The following OSBPL3 variants were observed in gnomAD, a reference collection of about 807,000 sequenced individuals.
OSBPL3 encodes the protein oxysterol binding protein like 3, also known as oxysterol-binding protein-related protein 3.
In OSBPL3, 65 loss-of-function variants were observed where a neutral mutation model predicts 120.1. The ratio of observed to expected loss-of-function variants is 0.54; its 90% CI spans 0.44 to 0.67. OSBPL3 has a LOEUF of 0.67. OSBPL3 is among the 30% of genes least tolerant of loss of function. The pLI is 0.00. For missense variants in OSBPL3, 1,004 were observed against 1,082.1 expected (o/e 0.93, Z 1.01); for synonymous variants, 416 against 402.6 (o/e 1.03, Z -0.40).
chr7:24,916,781 G>T lies in OSBPL3; in HGVS notation c.-149-24160C>A, dbSNP rs1054918046. Among the ~76,000 whole-genome samples the T allele has an allele frequency of 6.6e-6, 1 of 152,104 alleles. No homozygotes were observed. Among genetic ancestry groups the T allele is most frequent in the Admixed American group, 6.5e-5 (1 of 15,282 alleles). On this transcript the variant is annotated intron_variant, in intron 1 of 22. Coordinates refer to ENST00000313367, the MANE Select transcript of OSBPL3 (RefSeq NM_015550.4). The surrounding 1 kb of genome is among the most constrained non-coding windows in gnomAD (Gnocchi z 4.9). Reference sequence around the variant, plus strand: ...GATAAGAAAAAAACGTGGTGCTTGGGTATTTTCACTAGAGATGTAAATGGA... The same window carrying T: ...GATAAGAAAAAAACGTGGTGCTTGGTTATTTTCACTAGAGATGTAAATGGA...
At chr7:24,958,036 T>C (rs1815281714) in intron 1 of OSBPL3, among the ~76,000 whole-genome samples, 1 of 152,190 alleles carries the variant, frequency 6.6e-6, no homozygotes, top group African/African-American at 2.4e-5. Flanking sequence ...TCCAGTCTTT[T>C]ACTGTCATAA....
intron 1 of OSBPL3, among the ~76,000 whole-genome samples, chr7:24,920,935 CACTT>C (rs1407087245): frequency 6.6e-6 from 1 of 152,164 alleles, no homozygotes; most frequent in African/African-American, 2.4e-5. Flanking sequence ...TCCTAGAACT[CACTT>C]GAGAGGTTGT....
At chr7:24,980,384 G>A (rs1818188536), upstream of OSBPL3, among the ~76,000 whole-genome samples, 1 of 151,988 alleles carries the variant, frequency 6.6e-6, no homozygotes, top group South Asian at 2.1e-4. Context: ...CGCGGCGGGG[G>A]AACTAGGGAC....
rs755668591 is a variant in OSBPL3, at chr7:24,891,568, G to A, written c.96+809C>T. On this transcript the variant is annotated intron_variant, in intron 2 of 22. Transcript: ENST00000313367. This position sits in a 1 kb window ranked among gnomAD's most constrained non-coding sequence, Gnocchi z 4.1. ...GCTGAAAAGGCTCAGAGACCACTTT[G>A]GTCATAAATTCAGCTTTCTGACAGC... is the stretch of plus-strand genomic sequence containing the variant. Among the ~76,000 whole-genome samples the A allele has an allele frequency of 1.1e-4, 16 of 152,144 alleles. No homozygotes were observed. Among genetic ancestry groups the A allele is most frequent in the Non-Finnish European group, 1.5e-4 (10 of 68,016 alleles).
chr7:24,801,418 C>A (rs776382840), intron 22 of OSBPL3, among the ~76,000 whole-genome samples: 1 of 152,170 alleles, frequency 6.6e-6, no homozygotes, highest in Non-Finnish European at 1.5e-5. Flanking sequence ...CCTGATTCTT[C>A]TCCTCAGAGG....
At position 24,916,924 on chromosome 7, in the gene OSBPL3, C is replaced by G. The variant is rs913880455; in HGVS notation, c.-149-24303G>C. On this transcript the variant is annotated intron_variant, in intron 1 of 22. Coordinates refer to ENST00000313367, the MANE Select transcript of OSBPL3 (RefSeq NM_015550.4). This position sits in a 1 kb window ranked among gnomAD's most constrained non-coding sequence, Gnocchi z 4.9. ...TAAGACGTCTTCCATTTCCACCCCC[C>G]CCAACCTTTTTAGAAAATTAAATAA... 4.6e-5 allele frequency among the ~76,000 whole-genome samples: 7 copies of G among 151,612 alleles called. No individual in the cohort carries two copies. Among genetic ancestry groups the G allele is most frequent in the Non-Finnish European group, 1.0e-4 (7 of 67,910 alleles).
At chr7:24,960,659 A>C (rs1235695538) in intron 1 of OSBPL3, among the ~76,000 whole-genome samples, 1 of 152,218 alleles carries the variant, frequency 6.6e-6, no homozygotes, top group African/African-American at 2.4e-5. Context: ...AAGGAAAGAA[A>C]AATAAAAAGA....
At chr7:24,870,501 G>A (rs1396288934) in intron 5 of OSBPL3, among the ~76,000 whole-genome samples, 2 of 152,206 alleles carry the variant, frequency 1.3e-5, no homozygotes, top group East Asian at 1.9e-4. Context: ...GTCACTGGGG[G>A]CAGGTTCGTA....
chr7:24,979,939 G>A lies in OSBPL3; in HGVS notation c.-203C>T, dbSNP rs960613833. 1.6e-5 allele frequency: 16 copies of A among 977,412 alleles called. No individual in the cohort carries two copies. Among genetic ancestry groups the A allele is most frequent in the African/African-American group, 1.6e-4 (9 of 56,056 alleles). The allele number at this position is 977,412 out of a possible 1,614,324, so 60.5% of individuals were successfully genotyped here. A position where few individuals can be genotyped will look rare whatever the true frequency, so the allele number is the denominator to read the frequency against. Reference sequence around the variant, plus strand: ...CTAGTTCCCCGGGGCCGGGCTCCGGGGTTAGCGCACAGAACCGGGAGAAGG... The same window carrying A: ...CTAGTTCCCCGGGGCCGGGCTCCGGAGTTAGCGCACAGAACCGGGAGAAGG... On this transcript the variant is annotated 5_prime_UTR_variant, in exon 1 of 23. Transcript: ENST00000313367.
chr7:24,893,545 C>T lies in OSBPL3; in HGVS notation c.-149-924G>A, dbSNP rs368821124. Among the ~76,000 whole-genome samples, 5 of 152,270 alleles carry T rather than the reference C, an allele frequency of 3.3e-5. No individual in the cohort carries two copies. In the East Asian group the frequency reaches 7.7e-4, roughly 23 times the overall value. On this transcript the variant is annotated intron_variant, in intron 1 of 22. Transcript: ENST00000313367. ...TCTGGAACTAGGCTGGGCTCAGTGG[C>T]TCATGCCTGTAATCCTAACGCTTTG...
In OSBPL3 at chr7:24,953,473, G is replaced by A. The variant is rs1230718145; in HGVS notation, c.-150+26413C>T. ...AAAAGTATTACGTATCTGCTGAATT[G>A]TAATCAGACTTGAATAATCATCTTA... is the stretch of plus-strand genomic sequence containing the variant. On this transcript the variant is annotated intron_variant, in intron 1 of 22. Transcript: ENST00000313367. This position sits in a 1 kb window ranked among gnomAD's most constrained non-coding sequence, Gnocchi z 4.3. 6.6e-6 allele frequency among the ~76,000 whole-genome samples: 1 copy of A among 152,128 alleles called. No individual in the cohort carries two copies. Among genetic ancestry groups the A allele is most frequent in the Admixed American group, 6.5e-5 (1 of 15,284 alleles).
rs542138998 is a variant in OSBPL3 at position 24,940,446 on chromosome 7, G to A, written c.-150+39440C>T. On this transcript the variant is annotated intron_variant, in intron 1 of 22. Transcript: ENST00000313367. The surrounding 1 kb of genome is among the most constrained non-coding windows in gnomAD (Gnocchi z 4.4). ...CAGGGGAGAAGTAAAGAGTGTGGAA[G>A]AGTAAAGACCAGACAGGCTGAACAG... is the stretch of plus-strand genomic sequence containing the variant. Among the ~76,000 whole-genome samples the A allele has an allele frequency of 8.6e-4, 131 of 152,270 alleles. 1 individual carries two copies. The highest frequency in any genetic ancestry group is 3.1e-3 in the African/African-American group (130 of 41,522).
At position 24,940,781 on chromosome 7, in the gene OSBPL3, C is replaced by T. The variant is rs931446050; in HGVS notation, c.-150+39105G>A. 2.0e-5 allele frequency among the ~76,000 whole-genome samples: 3 copies of T among 151,900 alleles called. No individual in the cohort carries two copies. Among genetic ancestry groups the T allele is most frequent in the Non-Finnish European group, 4.4e-5 (3 of 67,978 alleles). Reference sequence around the variant, plus strand: ...CAGCTACAAACCAAAGCTCACACTTCCCACATCGCTCTTCTTAACATTTCT... The same window carrying T: ...CAGCTACAAACCAAAGCTCACACTTTCCACATCGCTCTTCTTAACATTTCT... On this transcript the variant is annotated intron_variant, in intron 1 of 22. Transcript: ENST00000313367. The surrounding 1 kb of genome is among the most constrained non-coding windows in gnomAD (Gnocchi z 4.4).
chr7:24,886,189 A>G (rs918502741), intron 2 of OSBPL3, among the ~76,000 whole-genome samples: 1 of 152,216 alleles, frequency 6.6e-6, no homozygotes, highest in African/African-American at 2.4e-5. Flanking sequence ...TTAGTTCTCA[A>G]AAGTAAGCAA....
At chr7:24,925,542 C>T (rs1032745809) in intron 1 of OSBPL3, among the ~76,000 whole-genome samples, 1 of 152,214 alleles carries the variant, frequency 6.6e-6, no homozygotes, top group Non-Finnish European at 1.5e-5. Context: ...ACTAAAATGT[C>T]TCAAAGGAAT....
chr7:24,905,276 A>G (rs1458208906), intron 1 of OSBPL3, among the ~76,000 whole-genome samples: 1 of 152,034 alleles, frequency 6.6e-6, no homozygotes, highest in Non-Finnish European at 1.5e-5. Context: ...CACAGAGAAG[A>G]CAAACTTGAA....
chr7:24,800,087 C>G lies in OSBPL3; in HGVS notation c.*96G>C. On this transcript the variant is annotated 3_prime_UTR_variant, in exon 23 of 23. Transcript: ENST00000313367. ...GCTAAGCTAAGCACAAGTGATCATC[C>G]TAGAGTATCTTTTAAATATATAAAC... 1.5e-6 allele frequency: 1 copy of G among 686,768 alleles called. No homozygotes were observed. The highest frequency in any genetic ancestry group is 2.6e-6 in the Non-Finnish European group (1 of 379,302). 42.5% of individuals were successfully genotyped at this position (686,768 alleles called of 1,614,324 possible). A position where few individuals can be genotyped will look rare whatever the true frequency, so the allele number is the denominator to read the frequency against.
At position 24,894,541 on chromosome 7, in the gene OSBPL3, A is replaced by G. The variant is rs1223890261; in HGVS notation, c.-149-1920T>C. ...AATCAAAAACCTGGTGGGAGCCCCA[A>G]ATGATGAAATGTGTGTCTGTGCTTG... On this transcript the variant is annotated intron_variant, in intron 1 of 22. Transcript: ENST00000313367. This position sits in a 1 kb window ranked among gnomAD's most constrained non-coding sequence, Gnocchi z 4.1. Among the ~76,000 whole-genome samples the G allele has an allele frequency of 6.6e-5, 10 of 152,076 alleles. No individual in the cohort carries two copies. The highest frequency in any genetic ancestry group is 3.3e-4 in the Admixed American group (5 of 15,270).
rs142415248 is a variant in OSBPL3, at chr7:24,898,644, G to A, written c.-149-6023C>T. ...AATGCACCTGGTGCATATTTGAAGC[G>A]TGCGGCTTCCATGAGACAAAAAGCT... On this transcript the variant is annotated intron_variant, in intron 1 of 22. Coordinates refer to ENST00000313367, the MANE Select transcript of OSBPL3 (RefSeq NM_015550.4). This position sits in a 1 kb window ranked among gnomAD's most constrained non-coding sequence, Gnocchi z 4.3. Among the ~76,000 whole-genome samples the A allele has an allele frequency of 6.6e-5, 10 of 152,304 alleles. No homozygotes were observed. The highest frequency in any genetic ancestry group is 4.6e-4 in the Admixed American group (7 of 15,302).
Sources: gnomAD v4.1 joint callset for allele counts (sites outside exome capture counted in the v4.1 genomes callset) on GRCh38, gnomAD v4.1.1 for gene constraint, Gnocchi (gnomAD v3.1) non-coding constraint, MANE v1.5 for transcripts, NCBI Gene and HGNC (gene_info 2026-07-23, HGNC 2026-07-21) for gene names.